The following JAK1 variants were observed in gnomAD, a reference collection of about 807,000 sequenced individuals.
JAK1 encodes Janus kinase 1.
In JAK1, 16 loss-of-function variants were observed where a neutral mutation model predicts 136.6. That is an observed-to-expected ratio of 0.12 (90% CI 0.08 to 0.18). JAK1 has a LOEUF of 0.18. Among genes scored for constraint, JAK1 ranks in the 10% least tolerant of loss-of-function variants. The pLI is 1.00. For synonymous variants in JAK1, 492 were observed against 519.5 expected (o/e 0.95, Z 0.72); for missense variants, 859 against 1,450.1 (o/e 0.59, Z 6.62).
chr1:65,035,927 G>T (rs1355667803), intron 2 of JAK1, among the ~76,000 whole-genome samples: 1 of 152,032 alleles, frequency 6.6e-6, no homozygotes, highest in African/African-American at 2.4e-5. Context: ...AATTATCCGG[G>T]TGTGGTAGCG....
At chr1:64,874,103 T>G (rs1657244384) in intron 4 of JAK1, among the ~76,000 whole-genome samples, 1 of 152,138 alleles carries the variant, frequency 6.6e-6, no homozygotes, top group Non-Finnish European at 1.5e-5. Context: ...ACTTTATATA[T>G]ATTATGTTAT....
At chr1:64,878,315 ACTGT>A (rs993386790) in intron 4 of JAK1, among the ~76,000 whole-genome samples, 3 of 152,140 alleles carry the variant, frequency 2.0e-5, no homozygotes, top group Admixed American at 1.3e-4. Context: ...TGAAGTACTG[ACTGT>A]CTGTGTCACC....
At chr1:64,875,661 T>A (rs1368428651) in intron 4 of JAK1, among the ~76,000 whole-genome samples, 1 of 152,238 alleles carries the variant, frequency 6.6e-6, no homozygotes, top group Non-Finnish European at 1.5e-5. Context: ...CGAAAGTGAC[T>A]GAGAATTTGA....
intron 2 of JAK1, among the ~76,000 whole-genome samples, chr1:65,018,505 C>A (rs1053751469): frequency 1.6e-5 from 2 of 126,044 alleles, no homozygotes; most frequent in African/African-American, 7.0e-5. Context: ...CACACACACA[C>A]ACACACACAC....
chr1:64,978,088 G>T (rs1165700190), intron 2 of JAK1, among the ~76,000 whole-genome samples: 1 of 151,996 alleles, frequency 6.6e-6, no homozygotes, highest in African/African-American at 2.4e-5. Flanking sequence ...GACCATCCTG[G>T]CCAACGTGGT....
chr1:64,994,246 C>T (rs1646683331), intron 2 of JAK1, among the ~76,000 whole-genome samples: 1 of 152,186 alleles, frequency 6.6e-6, no homozygotes, highest in African/African-American at 2.4e-5. Context: ...TGATCTGTAG[C>T]CATTTCATAT....
At chr1:64,869,282 T>C in intron 6 of JAK1, 29 bp downstream of exon 6, 1 of 1,604,830 alleles carries the variant, frequency 6.2e-7, no homozygotes, top group Non-Finnish European at 8.5e-7. Flanking sequence ...ATCCTCACAA[T>C]CAATTCTTCA....
At chr1:64,860,945 T>G (rs555739095) in intron 8 of JAK1, among the ~76,000 whole-genome samples, 2 of 137,046 alleles carry the variant, frequency 1.5e-5, no homozygotes, top group Non-Finnish European at 3.1e-5. Context: ...TGTGTGTGTG[T>G]GTGTGTGTGT....
At chr1:64,878,374 C>A (rs1644707933) in intron 4 of JAK1, among the ~76,000 whole-genome samples, 1 of 151,946 alleles carries the variant, frequency 6.6e-6, no homozygotes, top group Admixed American at 6.6e-5. Context: ...AAGGCAGGTG[C>A]CCATCAGAAG....
At chr1:65,038,391 G>A (rs1043196413) in intron 2 of JAK1, among the ~76,000 whole-genome samples, 1 of 151,348 alleles carries the variant, frequency 6.6e-6, no homozygotes, top group African/African-American at 2.4e-5. Context: ...TAGAGACGGG[G>A]CTTCCCCATG....
At chr1:64,900,325 A>T (rs1042314329) in intron 1 of JAK1, among the ~76,000 whole-genome samples, 1 of 152,236 alleles carries the variant, frequency 6.6e-6, no homozygotes, top group African/African-American at 2.4e-5. Flanking sequence ...TAAGTCAGAG[A>T]TCTAAGAAGG....
chr1:65,014,829 C>T (rs937132685), intron 2 of JAK1, among the ~76,000 whole-genome samples: 11 of 151,888 alleles, frequency 7.2e-5, no homozygotes, highest in African/African-American at 2.4e-4. Flanking sequence ...GGACTACAGG[C>T]GCCCGCCACC....
intron 1 of JAK1, among the ~76,000 whole-genome samples, chr1:64,893,284 T>C (rs2101380326): frequency 6.6e-6 from 1 of 152,262 alleles, no homozygotes; most frequent in African/African-American, 2.4e-5. Context: ...ACAGAGCTTG[T>C]GCGAGAGCTT....
chr1:64,960,836 G>A (rs1413947142), intron 1 of JAK1, among the ~76,000 whole-genome samples: 1 of 152,124 alleles, frequency 6.6e-6, no homozygotes, highest in Non-Finnish European at 1.5e-5. Flanking sequence ...CTTCATTTAT[G>A]CTCAACAACT....
intron 1 of JAK1, among the ~76,000 whole-genome samples, chr1:64,935,411 T>C (rs1343446970): frequency 2.6e-5 from 4 of 152,216 alleles, no homozygotes; most frequent in Non-Finnish European, 4.4e-5. Flanking sequence ...GCGATTCTCC[T>C]GCCTCAGCCT....
intron 1 of JAK1, among the ~76,000 whole-genome samples, chr1:64,934,275 T>C (rs373773157): frequency 2.9e-4 from 44 of 152,286 alleles, no homozygotes; most frequent in African/African-American, 1.0e-3. Flanking sequence ...AATGATGCAA[T>C]AAATAACACA....
At chr1:64,835,532 C>T (rs761536790) in intron 23 of JAK1, 26 bp from the exon 24 acceptor site, 8 of 1,358,038 alleles carry the variant, frequency 5.9e-6, no homozygotes, top group Non-Finnish European at 8.3e-6. Flanking sequence ...TCAAACAAAA[C>T]GTTTAACTTT....
chr1:64,837,655 A>G (rs310241), intron 22 of JAK1, among the ~76,000 whole-genome samples: 55,722 of 152,126 alleles, frequency 0.37, 12,671 homozygotes, highest in African/African-American at 0.65. Flanking sequence ...CCTCTCCTGG[A>G]AAGCTAGGAA....
intron 1 of JAK1, among the ~76,000 whole-genome samples, chr1:64,935,841 A>G (rs1645779720): frequency 6.6e-6 from 1 of 152,172 alleles, no homozygotes; most frequent in Non-Finnish European, 1.5e-5. Context: ...AATTTCATCT[A>G]GTGGACTGTG....
Sources: gnomAD v4.1 joint callset for allele counts (sites outside exome capture counted in the v4.1 genomes callset) on GRCh38, gnomAD v4.1.1 for gene constraint, MANE v1.5 for transcripts, NCBI Gene and HGNC (gene_info 2026-07-23, HGNC 2026-07-21) for gene names.